The following ANKHD1 variants were observed in gnomAD, a reference collection of about 807,000 sequenced individuals.
ANKHD1 encodes the protein ankyrin repeat and KH domain-containing protein 1.
Under a neutral mutation model 230.5 loss-of-function variants are expected in ANKHD1, and 31 were observed. The ratio of observed to expected loss-of-function variants is 0.13; its 90% CI spans 0.10 to 0.18. The LOEUF is 0.18. Ranked by LOEUF, ANKHD1 falls within the 10% of genes least tolerant of loss-of-function variation. ANKHD1 has a pLI of 1.00. For missense variants in ANKHD1, 2,256 were observed against 3,071.3 expected, an observed-to-expected ratio of 0.73 and a Z score of 6.27; for synonymous variants, 1,074 against 1,117.6, an observed-to-expected ratio of 0.96 and a Z score of 0.78.
At chr5:140,475,571 C>CT (rs1349115655) in intron 10 of ANKHD1, among the ~76,000 whole-genome samples, 3 of 147,444 alleles carry the variant, frequency 2.0e-5, no homozygotes, top group Non-Finnish European at 4.6e-5. Context: ...CCCAAAAAAA[C>CT]TAAAAAAAAG....
chr5:140,438,150 A>G (rs1007626853), intron 2 of ANKHD1, among the ~76,000 whole-genome samples: 3 of 152,178 alleles, frequency 2.0e-5, no homozygotes, highest in African/African-American at 7.2e-5. Context: ...GTGACTATGT[A>G]TTTTGAAAGA....
chr5:140,421,971 G>T (rs1300564208), intron 1 of ANKHD1, among the ~76,000 whole-genome samples: 2 of 152,138 alleles, frequency 1.3e-5, no homozygotes, highest in African/African-American at 2.4e-5. Context: ...CCTTGTTGCT[G>T]ATCTGTTGAA....
chr5:140,512,013 A>G (rs1399205187), intron 22 of ANKHD1, among the ~76,000 whole-genome samples: 2 of 152,140 alleles, frequency 1.3e-5, no homozygotes, highest in African/African-American at 4.8e-5. Flanking sequence ...AGTCAGGTGG[A>G]TCACCTGAGG....
In ANKHD1 at chr5:140,503,001, A is replaced by G. The variant is rs1752371143; in HGVS notation, c.3005-1820A>G. Among the ~76,000 whole-genome samples, 5 of 152,304 alleles carry G rather than the reference A, an allele frequency of 3.3e-5. No individual in the cohort carries two copies. The South Asian group carries it at 1.0e-3, about 32-fold the overall frequency. ...TGAGCTGGGTAGCTCATGTAGAAAT[A>G]TATCTGGGCATCTTAAACTTTGCTC... On this transcript the variant is annotated intron_variant, in intron 15 of 33. Transcript: ENST00000360839.
At chr5:140,446,424 G>A (rs960702908) in intron 6 of ANKHD1, among the ~76,000 whole-genome samples, 27 of 152,108 alleles carry the variant, frequency 1.8e-4, no homozygotes, top group Admixed American at 8.5e-4. Context: ...GCAGTGGCGC[G>A]AACTCAGCCC....
chr5:140,456,467 AAGGCTACAG>A (rs1775201827), intron 7 of ANKHD1, among the ~76,000 whole-genome samples: 3 of 152,330 alleles, frequency 2.0e-5, no homozygotes, highest in Non-Finnish European at 4.4e-5. Flanking sequence ...ACTATACTAC[AAGGCTACAG>A]TAACCAAAAC....
chr5:140,452,265 A>G (rs879799238), intron 7 of ANKHD1, among the ~76,000 whole-genome samples: 1 of 152,198 alleles, frequency 6.6e-6, no homozygotes, highest in African/African-American at 2.4e-5. Context: ...AAGGAGGCCT[A>G]CCTGTCTCTG....
At chr5:140,491,139 C>T (rs866232719) in intron 14 of ANKHD1, among the ~76,000 whole-genome samples, 54 of 56,346 alleles carry the variant, frequency 9.6e-4, no homozygotes, top group South Asian at 6.8e-3. Context: ...TATATATACA[C>T]ATATATATAT....
intron 1 of ANKHD1, among the ~76,000 whole-genome samples, chr5:140,427,728 G>A (rs1772630826): frequency 6.8e-6 from 1 of 147,684 alleles, no homozygotes; most frequent in Non-Finnish European, 1.5e-5. Flanking sequence ...CGGCCGGGCA[G>A]AGGCGCCCCT....
In ANKHD1 at chr5:140,436,143, C is replaced by G. The variant is rs1773431732; in HGVS notation, c.346C>G (p.Pro116Ala). The G allele has an allele frequency of 6.3e-7, 1 of 1,598,398 alleles. No individual in the cohort carries two copies. The highest frequency in any genetic ancestry group is 8.5e-7 in the Non-Finnish European group (1 of 1,172,896). ...FILDQEDLDN[P>A]VLKTTSEIFL... ...TTTGGACCAAGAAGATCTGGATAAC[C>G]CAGTGCTTAAAACAACATCAGAGAT... is the stretch of plus-strand genomic sequence containing the variant. The change falls in exon 2 of 34, where the codon CCA (proline) becomes GCA (alanine). Residue 116 changes from proline to alanine, a missense_variant. Pro to Ala is a conservative substitution (Grantham distance 27). Coordinates refer to ENST00000360839, the MANE Select transcript of ANKHD1 (RefSeq NM_017747.3).
chr5:140,432,819 T>C (rs564251645), intron 1 of ANKHD1, among the ~76,000 whole-genome samples: 1 of 152,262 alleles, frequency 6.6e-6, no homozygotes, highest in Non-Finnish European at 1.5e-5. Context: ...ATGATCCACC[T>C]CAGCCTCATG....
chr5:140,465,092 A>T (rs1365873314), intron 10 of ANKHD1: 1 of 167,276 alleles, frequency 6.0e-6, no homozygotes, highest in Non-Finnish European at 1.3e-5. Context: ...GTGTTCACAG[A>T]ATAGAGTAAC....
At chr5:140,457,552 T>C (rs1346743545) in intron 7 of ANKHD1, among the ~76,000 whole-genome samples, 1 of 152,066 alleles carries the variant, frequency 6.6e-6, no homozygotes, top group African/African-American at 2.4e-5. Context: ...ATGTCCTTTG[T>C]AGGGACATGG....
Position 140,529,611 on chromosome 5 carries a change from T to A in ANKHD1, c.6665T>A (p.Val2222Glu), listed in dbSNP as rs1488425897. The A allele has an allele frequency of 6.2e-7, 1 of 1,614,206 alleles. No homozygotes were observed. The highest frequency in any genetic ancestry group is 1.1e-5 in the South Asian group (1 of 91,088). The change falls in exon 29 of 34, where the codon GTG (valine) becomes GAG (glutamate). Residue 2222 changes from valine (V) to glutamate (E), a missense_variant. Around this residue, in one of 13 missense-constraint regions of ANKHD1, gnomAD observed 778 missense variants for 966.5 expected, o/e 0.80. Transcript: ENST00000360839. ...AGCAGTCTTTTTGATAGTAGTCAGG[T>A]GCCAGCTAACCAGGGCTGGGGAGAT... ...HFSSLFDSSQ[V>E]PANQGWGDGP...
At position 140,510,100 on chromosome 5, in the gene ANKHD1, G is replaced by A. The variant is rs1752692876; in HGVS notation, c.4023G>A (p.Val1341=). ...LASNGGHFDV[V]QLLVQAGADV... ...CCAATGGAGGTCATTTTGATGTTGT[G>A]CAGTTGCTAGTGCAAGCAGGTGCTG... The change falls in exon 22 of 34, where the codon GTG becomes GTA. Residue 1341 remains valine, a synonymous_variant. Coordinates refer to ENST00000360839, the MANE Select transcript of ANKHD1 (RefSeq NM_017747.3). 1 of 1,613,984 alleles carries A rather than the reference G, an allele frequency of 6.2e-7. No individual in the cohort carries two copies. The highest frequency in any genetic ancestry group is 1.1e-5 in the South Asian group (1 of 91,090).
At chr5:140,512,177 A>G (rs1205090041) in intron 22 of ANKHD1, among the ~76,000 whole-genome samples, 1 of 151,630 alleles carries the variant, frequency 6.6e-6, no homozygotes, top group African/African-American at 2.4e-5. Context: ...CGGAGGTTGC[A>G]GTGAGACAAG....
At chr5:140,476,077 T>TA (rs1750949237) in intron 10 of ANKHD1, among the ~76,000 whole-genome samples, 1 of 152,014 alleles carries the variant, frequency 6.6e-6, no homozygotes, top group East Asian at 1.9e-4. Flanking sequence ...AAAATAAAAC[T>TA]AAAAGTTTTG....
chr5:140,421,296 CTTT>C (rs35408466), intron 1 of ANKHD1, among the ~76,000 whole-genome samples: 29 of 94,506 alleles, frequency 3.1e-4, no homozygotes, highest in African/African-American at 7.4e-4. Flanking sequence ...AGAGTTTTTA[CTTT>C]TTTTTTTTTT....
intron 9 of ANKHD1, among the ~76,000 whole-genome samples, chr5:140,462,609 C>T (rs1266739627): frequency 4.0e-5 from 6 of 149,938 alleles, no homozygotes; most frequent in South Asian, 4.2e-4. Flanking sequence ...CCTATAGTCC[C>T]GGCTACTCAG....
Sources: gnomAD v4.1 joint callset for allele counts (sites outside exome capture counted in the v4.1 genomes callset) on GRCh38, gnomAD v4.1.1 for gene constraint, gnomAD v4.1.1 regional missense constraint, MANE v1.5 for transcripts, NCBI Gene and HGNC (gene_info 2026-07-23, HGNC 2026-07-21) for gene names.